PCYT1B: variants seen among roughly 807,000 people sequenced by gnomAD.
The protein encoded by PCYT1B is phosphate cytidylyltransferase 1B, choline, also known as choline-phosphate cytidylyltransferase B.
In PCYT1B, 10 loss-of-function variants were observed where a neutral mutation model predicts 26.4. The observed-to-expected ratio is 0.38, with a 90% CI of 0.23 to 0.64. The LOEUF (loss-of-function observed/expected upper bound fraction) is 0.64, where lower values mean the gene tolerates loss of function less well. Ranked by LOEUF, PCYT1B falls within the 30% of genes least tolerant of loss-of-function variation. PCYT1B has a pLI of 0.56. For synonymous variants in PCYT1B, 131 were observed against 108.4 expected, an observed-to-expected ratio of 1.21 and a Z score of -1.29; for missense variants, 161 against 292.7, an observed-to-expected ratio of 0.55 and a Z score of 3.28.
At chrX:24,670,113 A>AAAGAAAGAAAGAAAGAAAGGAAGG (rs1602218930) in intron 1 of PCYT1B, among the ~76,000 whole-genome samples, 2 of 23,590 alleles carry the variant, frequency 8.5e-5, no homozygotes, top group South Asian at 3.1e-3. Context: ...AGAAAGAAAG[A>AAAGAAAGAAAGAAAGAAAGGAAGG]AAGGAAGGAA....
In PCYT1B at chrX:24,632,495, AC is replaced by A. The variant is rs1926127532; in HGVS notation, c.118-13412del. On this transcript the variant is annotated intron_variant, in intron 1 of 7. Transcript: ENST00000379144. ...GATGCATTACAAGTACTCGACGATC[AC>A]CTCCAGGGAGATCCATACAGCTTGT... 4 of 135,524 alleles carry A rather than the reference AC, an allele frequency of 3.0e-5. No individual in the cohort carries two copies. In the South Asian group the frequency reaches 9.4e-4, roughly 32 times the overall value. 11.2% of individuals were successfully genotyped at this position (135,524 alleles called of 1,213,427 possible).
At chrX:24,565,202 C>T (rs1300670617) in intron 7 of PCYT1B, among the ~76,000 whole-genome samples, 1 of 111,126 alleles carries the variant, frequency 9.0e-6, no homozygotes, top group Non-Finnish European at 1.9e-5. Context: ...CCTGTGCTGC[C>T]TGGGGTCTTT....
intron 2 of PCYT1B, among the ~76,000 whole-genome samples, chrX:24,617,703 C>A (rs2148253337): frequency 9.0e-6 from 1 of 110,941 alleles, no homozygotes; most frequent in South Asian, 3.8e-4. Context: ...CTGCCTCAGC[C>A]TCCCAAAGTG....
At chrX:24,654,985 T>A in intron 1 of PCYT1B, among the ~76,000 whole-genome samples, 1 of 111,387 alleles carries the variant, frequency 9.0e-6, no homozygotes, top group South Asian at 3.8e-4. Flanking sequence ...TACTAAGTAA[T>A]GAAATCCATA....
chrX:24,595,116 G>A (rs1252124019), intron 3 of PCYT1B, among the ~76,000 whole-genome samples: 1 of 108,822 alleles, frequency 9.2e-6, no homozygotes, highest in Admixed American at 1.0e-4. Flanking sequence ...TCTTTTCCCT[G>A]CCCCCTACTC....
intron 3 of PCYT1B, among the ~76,000 whole-genome samples, chrX:24,607,052 A>G (rs1480549790): frequency 8.9e-6 from 1 of 112,280 alleles, no homozygotes; most frequent in Non-Finnish European, 1.9e-5. Context: ...CTGAAGCTGC[A>G]CAAGTGAAAT....
chrX:24,608,262 T>A (rs1303476656), intron 2 of PCYT1B, among the ~76,000 whole-genome samples: 1 of 111,059 alleles, frequency 9.0e-6, no homozygotes, highest in East Asian at 2.8e-4. Flanking sequence ...AGACCCCAAG[T>A]CCCTGTTCTC....
At chrX:24,670,856 A>G (rs969167791) in intron 1 of PCYT1B, among the ~76,000 whole-genome samples, 5 of 111,827 alleles carry the variant, frequency 4.5e-5, no homozygotes, top group East Asian at 5.6e-4. Context: ...TCTATTTTCA[A>G]TTTGCAAAAG....
chrX:24,562,624 C>T, intron 7 of PCYT1B, 119 bp from the exon 8 acceptor site: 3 of 554,920 alleles, frequency 5.4e-6, no homozygotes, highest in Non-Finnish European at 9.0e-6. Context: ...CACAAACCTA[C>T]ACTCATACCA....
At chrX:24,645,391 T>TAC (rs1926591284) in intron 1 of PCYT1B, among the ~76,000 whole-genome samples, 2 of 109,666 alleles carry the variant, frequency 1.8e-5, no homozygotes, top group South Asian at 3.9e-4. Flanking sequence ...TATATATATA[T>TAC]ACACACATAT....
At chrX:24,601,639 G>A (rs1303919942) in intron 3 of PCYT1B, among the ~76,000 whole-genome samples, 1 of 111,184 alleles carries the variant, frequency 9.0e-6, no homozygotes, top group Non-Finnish European at 1.9e-5. Flanking sequence ...ATGGGCTACA[G>A]ACCTTAACAG....
chrX:24,575,763 T>C (rs1239447392), intron 6 of PCYT1B, among the ~76,000 whole-genome samples: 1 of 112,496 alleles, frequency 8.9e-6, no homozygotes, highest in African/African-American at 3.2e-5. Flanking sequence ...GTTAAAACAA[T>C]ATTGCTTGAA....
At chrX:24,642,738 G>A (rs1329940963) in intron 1 of PCYT1B, among the ~76,000 whole-genome samples, 1 of 111,713 alleles carries the variant, frequency 9.0e-6, no homozygotes, top group Non-Finnish European at 1.9e-5. Context: ...CGCCAATATT[G>A]CGCATTAAGA....
At chrX:24,592,511 C>T (rs1924601873) in intron 3 of PCYT1B, among the ~76,000 whole-genome samples, 1 of 111,332 alleles carries the variant, frequency 9.0e-6, no homozygotes, top group Non-Finnish European at 1.9e-5. Flanking sequence ...CCACTGCTCC[C>T]ATCCCCACCC....
intron 1 of PCYT1B, among the ~76,000 whole-genome samples, chrX:24,670,113 A>AAAGAAAGAAAGGAAGGAAGGAAGG (rs1602218930): frequency 1.7e-4 from 4 of 23,546 alleles, no homozygotes; most frequent in East Asian, 1.5e-3. Context: ...AGAAAGAAAG[A>AAAGAAAGAAAGGAAGGAAGGAAGG]AAGGAAGGAA....
chrX:24,631,047 T>C lies in PCYT1B; in HGVS notation c.118-11963A>G, dbSNP rs961859073. Among the ~76,000 whole-genome samples, 12 of 111,193 alleles carry C rather than the reference T, an allele frequency of 1.1e-4. 1 individual carries two copies. The highest frequency in any genetic ancestry group is 3.9e-4 in the African/African-American group (12 of 30,659). ...ACGCCATTCTCCTGCCTCAGCCTCC[T>C]GAGTAGCTGGGATTACAGGTGCCCG... On this transcript the variant is annotated intron_variant, in intron 1 of 7. Coordinates refer to ENST00000379144, the MANE Select transcript of PCYT1B (RefSeq NM_004845.5).
At chrX:24,659,192 C>T (rs911628094) in intron 1 of PCYT1B, among the ~76,000 whole-genome samples, 9 of 111,915 alleles carry the variant, frequency 8.0e-5, no homozygotes, top group East Asian at 2.8e-4. Flanking sequence ...ATAGCCTTCA[C>T]GTTGAAAGCT....
At chrX:24,605,245 A>G (rs1424334030) in intron 3 of PCYT1B, among the ~76,000 whole-genome samples, 2 of 111,717 alleles carry the variant, frequency 1.8e-5, no homozygotes, top group Non-Finnish European at 3.8e-5. Context: ...ACACAAATCA[A>G]AAAACTAACA....
At chrX:24,563,777 G>A (rs949923509) in intron 7 of PCYT1B, among the ~76,000 whole-genome samples, 3 of 111,670 alleles carry the variant, frequency 2.7e-5, no homozygotes, top group African/African-American at 9.8e-5. Flanking sequence ...TCTGAGCAAA[G>A]GATTAACAAT....
Sources: gnomAD v4.1 joint callset for allele counts (sites outside exome capture counted in the v4.1 genomes callset) on GRCh38, gnomAD v4.1.1 for gene constraint, MANE v1.5 for transcripts, NCBI Gene and HGNC (gene_info 2026-07-23, HGNC 2026-07-21) for gene names.